SOX6: variants seen among roughly 807,000 people sequenced by gnomAD.
SOX6 encodes transcription factor SOX-6.
Under a neutral mutation model 97.8 loss-of-function variants are expected in SOX6, and 11 were observed. The ratio of observed to expected loss-of-function variants is 0.11; its 90% CI spans 0.07 to 0.19. The LOEUF is 0.19. Among genes scored for constraint, SOX6 ranks in the 10% least tolerant of loss-of-function variants. The pLI, the probability that SOX6 is intolerant of heterozygous loss-of-function variation, is 1.00. For synonymous variants in SOX6, 360 were observed against 371.4 expected (o/e 0.97, Z 0.35); for missense variants, 810 against 1,039.5 (o/e 0.78, Z 3.04).
chr11:16,500,395 T>C (rs1206108167), intron 4 of SOX6, among the ~76,000 whole-genome samples: 3 of 152,146 alleles, frequency 2.0e-5, no homozygotes, highest in African/African-American at 4.8e-5. Flanking sequence ...CTTCGAAAAC[T>C]GGCACAAGAC....
At chr11:16,214,009 C>T (rs943953115) in intron 4 of SOX6, among the ~76,000 whole-genome samples, 1 of 152,196 alleles carries the variant, frequency 6.6e-6, no homozygotes, top group South Asian at 2.1e-4. Flanking sequence ...TAGAAGAACA[C>T]TGTCCAATAG....
chr11:16,463,431 C>A (rs147649675), intron 1 of SOX6, among the ~76,000 whole-genome samples: 116 of 152,130 alleles, frequency 7.6e-4, no homozygotes, highest in African/African-American at 2.7e-3. Flanking sequence ...GTGATAAATA[C>A]CAATCATTTT....
intron 1 of SOX6, among the ~76,000 whole-genome samples, chr11:16,475,077 C>T (rs1251391476): frequency 6.6e-6 from 1 of 152,238 alleles, no homozygotes; most frequent in Non-Finnish European, 1.5e-5. Context: ...AGCTTCCTCC[C>T]TTCTCTCAGC....
intron 3 of SOX6, among the ~76,000 whole-genome samples, chr11:16,307,091 G>A (rs1855464957): frequency 1.3e-5 from 2 of 152,198 alleles, no homozygotes; most frequent in East Asian, 1.9e-4. Context: ...GAGGAGGGGA[G>A]TCGTCCATGG....
intron 3 of SOX6, among the ~76,000 whole-genome samples, chr11:16,622,957 A>C (rs1590016161): frequency 1.3e-5 from 2 of 151,832 alleles, no homozygotes; most frequent in African/African-American, 2.4e-5. Context: ...GATTACGGCC[A>C]TTCCTAAAAA....
chr11:16,419,600 A>G (rs1858989432), intron 1 of SOX6, among the ~76,000 whole-genome samples: 1 of 152,184 alleles, frequency 6.6e-6, no homozygotes, highest in African/African-American at 2.4e-5. Context: ...AATTTCTTAC[A>G]GAGAAACACC....
At chr11:16,563,959 G>A (rs1011530443) in intron 4 of SOX6, among the ~76,000 whole-genome samples, 4 of 152,100 alleles carry the variant, frequency 2.6e-5, no homozygotes, top group African/African-American at 4.8e-5. Flanking sequence ...CAATATTTTC[G>A]AAGTGCTGAA....
rs184494067 is a variant in SOX6 at position 16,370,045 on chromosome 11, C to T, written c.-4-28793G>A. ...GTACCAGCACCAGCTGGCCACCATC[C>T]TCTCAGTGATTACAGCATAAGCCAT... On this transcript the variant is annotated intron_variant, in intron 1 of 15. Coordinates refer to the SOX6 transcript ENST00000396356. 9.0e-4 allele frequency among the ~76,000 whole-genome samples: 137 copies of T among 152,200 alleles called. 2 individuals carry two copies. In the East Asian group the frequency reaches 0.019, roughly 21 times the overall value.
rs568907849 is a variant in SOX6, at chr11:16,308,829, T to C, written c.445+9617A>G. Among the ~76,000 whole-genome samples the C allele has an allele frequency of 1.9e-3, 290 of 152,290 alleles. 2 individuals carry two copies. The highest frequency in any genetic ancestry group is 3.0e-3 in the Non-Finnish European group (202 of 68,012). ...TCCAGTAGAAGAACGACGATATTCT[T>C]GTGCTCCTAGTTGAAAGGAGGGCTA... On this transcript the variant is annotated intron_variant, in intron 3 of 15. Transcript: ENST00000683767.
intron 1 of SOX6, among the ~76,000 whole-genome samples, chr11:16,427,700 G>T (rs12222249): frequency 3.3e-5 from 5 of 152,042 alleles, no homozygotes; most frequent in Non-Finnish European, 5.9e-5. Flanking sequence ...TGGTGTATAT[G>T]TGCCACATTT....
intron 1 of SOX6, among the ~76,000 whole-genome samples, chr11:16,384,807 G>A (rs1410866077): frequency 6.6e-6 from 1 of 151,942 alleles, no homozygotes; most frequent in Non-Finnish European, 1.5e-5. Flanking sequence ...TTAAATATCA[G>A]AAAAGAACAT....
At position 16,047,545 on chromosome 11, in the gene SOX6, G is replaced by A. The variant is rs541315673; in HGVS notation, c.1436-844C>T. Among the ~76,000 whole-genome samples, 21 of 152,110 alleles carry A rather than the reference G, an allele frequency of 1.4e-4. No homozygotes were observed. In the South Asian group the frequency reaches 4.1e-3, roughly 30 times the overall value. ...AATATTAAACTGACTTATTTCCAAC[G>A]ATATCTTGCATTTTACTGTGGGTAA... On this transcript the variant is annotated intron_variant, in intron 11 of 15. Coordinates refer to ENST00000683767, the MANE Select transcript of SOX6 (RefSeq NM_001367873.1).
chr11:16,551,941 A>G (rs1412512628), intron 4 of SOX6, among the ~76,000 whole-genome samples: 5 of 152,056 alleles, frequency 3.3e-5, no homozygotes, highest in African/African-American at 4.8e-5. Context: ...AATCAAACAA[A>G]ATGTTTTATG....
chr11:16,277,572 GCACAATAAAGT>G (rs768295552), intron 3 of SOX6, among the ~76,000 whole-genome samples: 23 of 152,282 alleles, frequency 1.5e-4, no homozygotes, highest in Non-Finnish European at 2.1e-4. Flanking sequence ...AAATTGGACT[GCACAATAAAGT>G]CTGGTATCTT....
intron 3 of SOX6, among the ~76,000 whole-genome samples, chr11:16,633,325 A>G (rs1444175366): frequency 6.6e-6 from 1 of 152,192 alleles, no homozygotes; most frequent in Admixed American, 6.5e-5. Context: ...TACCTGCAAA[A>G]TTAAATTAAA....
intron 3 of SOX6, among the ~76,000 whole-genome samples, chr11:16,707,941 GAGAAAT>G (rs966672474): frequency 2.6e-5 from 4 of 152,064 alleles, no homozygotes; most frequent in African/African-American, 9.7e-5. Flanking sequence ...AATAATCAGA[GAGAAAT>G]AGAATTAAGT....
At chr11:16,332,312 A>T (rs915515895) in intron 2 of SOX6, among the ~76,000 whole-genome samples, 4 of 152,152 alleles carry the variant, frequency 2.6e-5, no homozygotes, top group African/African-American at 9.6e-5. Context: ...ACTGACCAAA[A>T]AATTGATAAA....
chr11:16,060,234 A>G (rs1847913278), intron 9 of SOX6, among the ~76,000 whole-genome samples: 1 of 151,956 alleles, frequency 6.6e-6, no homozygotes, highest in Non-Finnish European at 1.5e-5. Context: ...TCAGGAAAAG[A>G]GTAGTGTTAA....
At chr11:16,233,429 G>A (rs1852918981) in intron 4 of SOX6, among the ~76,000 whole-genome samples, 1 of 152,176 alleles carries the variant, frequency 6.6e-6, no homozygotes, top group African/African-American at 2.4e-5. Flanking sequence ...GATTGGGATA[G>A]TCCACTTCTT....
Sources: allele counts gnomAD v4.1 joint callset (sites outside exome capture counted in the v4.1 genomes callset), GRCh38; gene constraint gnomAD v4.1.1; transcripts MANE v1.5; gene names NCBI Gene and HGNC (gene_info 2026-07-23, HGNC 2026-07-21).